Variants in IL17B observed in about 807,000 individuals in gnomAD.
The protein encoded by IL17B is interleukin 17B.
Under a neutral mutation model 14.7 loss-of-function variants are expected in IL17B, and 14 were observed. That is an observed-to-expected ratio of 0.95 (90% CI 0.63 to 1.49). The LOEUF (loss-of-function observed/expected upper bound fraction) is 1.49, where lower values mean the gene tolerates loss of function less well. Ranked by LOEUF, IL17B falls within the 40% of genes most tolerant of loss-of-function variation. The pLI, the probability that IL17B is intolerant of heterozygous loss-of-function variation, is 0.00. For synonymous variants in IL17B, 105 were observed against 94.8 expected, an observed-to-expected ratio of 1.11 and a Z score of -0.62; for missense variants, 233 against 252.8, an observed-to-expected ratio of 0.92 and a Z score of 0.53.
intron 1 of IL17B, among the ~76,000 whole-genome samples, chr5:149,394,868 CTTT>C (rs1056671010): frequency 1.4e-4 from 21 of 152,078 alleles, no homozygotes; most frequent in Admixed American, 1.2e-3. Context: ...ATGTTCCCAT[CTTT>C]TTTTTAACTT....
chr5:149,390,630 C>CACACACACACACAGAGAG (rs1491235916), intron 1 of IL17B, among the ~76,000 whole-genome samples: 1 of 132,002 alleles, frequency 7.6e-6, no homozygotes, highest in African/African-American at 2.9e-5. Flanking sequence ...CACACACACA[C>CACACACACACACAGAGAG]AGAGATACAC....
Position 149,376,901 on chromosome 5 carries a change from A to C in IL17B, c.146T>G (p.Leu49Arg). ...APGPHQVPLDLVSRMKPYARM... is the reference protein window; with the variant it reads ...APGPHQVPLDRVSRMKPYARM... ...GGCATACGGTTTCATCCGTGACACC[A>C]GGTCCAGTGGCACCTGGTGAGGGCC... Residue 49 changes from leucine (L) to arginine (R), a missense_variant, in exon 2 of 3, where the codon CTG becomes CGG. Physicochemically the swap from Leu to Arg is moderately radical, Grantham distance 102 (BLOSUM62 -2). Coordinates refer to ENST00000261796, the MANE Select transcript of IL17B (RefSeq NM_014443.3). 1 of 1,614,130 alleles carries C rather than the reference A, an allele frequency of 6.2e-7. No individual in the cohort carries two copies. Among genetic ancestry groups the C allele is most frequent in the Non-Finnish European group, 8.5e-7 (1 of 1,180,008 alleles).
chr5:149,375,627 C>G (rs1461302321), intron 2 of IL17B, among the ~76,000 whole-genome samples: 1 of 152,188 alleles, frequency 6.6e-6, no homozygotes, highest in African/African-American at 2.4e-5. Context: ...TGGCTTACGC[C>G]TGTAATCTCA....
intron 1 of IL17B, among the ~76,000 whole-genome samples, chr5:149,399,786 C>T (rs576947714): frequency 7.9e-5 from 12 of 152,296 alleles, no homozygotes; most frequent in African/African-American, 2.6e-4. Context: ...GGTGCATGTG[C>T]TCAGTGGCAG....
chr5:149,379,426 G>C, upstream of IL17B: 1 of 624,644 alleles, frequency 1.6e-6, no homozygotes, highest in Admixed American at 2.9e-5. Context: ...AGGCGGTGAG[G>C]GGCGTGGGGG....
intron 1 of IL17B, among the ~76,000 whole-genome samples, chr5:149,396,769 A>G (rs1759100970): frequency 6.6e-6 from 1 of 152,258 alleles, no homozygotes; most frequent in African/African-American, 2.4e-5. Context: ...ACTCAAAAAA[A>G]ATAAAAATAA....
Position 149,374,616 on chromosome 5 carries a change from G to A in IL17B, c.312-16C>T. ...GTGGTTGATGCTGCAGGGAGCAGAA[G>A]AAAGAGCAGAGCGGAAGGTGATCAG... On this transcript the variant is annotated splice_polypyrimidine_tract_variant and intron_variant, in intron 2 of 2. Transcript: ENST00000261796. The surrounding 1 kb of genome is among the most constrained non-coding windows in gnomAD (Gnocchi z 5.0). 1 of 1,598,520 alleles carries A rather than the reference G, an allele frequency of 6.3e-7. No individual in the cohort carries two copies. Among genetic ancestry groups the A allele is most frequent in the Non-Finnish European group, 8.6e-7 (1 of 1,168,246 alleles).
upstream of IL17B, among the ~76,000 whole-genome samples, chr5:149,382,721 TG>T (rs1758728826): frequency 6.6e-6 from 1 of 152,202 alleles, no homozygotes; most frequent in Admixed American, 6.5e-5. Context: ...AGCTGGTCAT[TG>T]AGCACGGTCT....
chr5:149,395,930 C>T (rs2127622266), intron 1 of IL17B, among the ~76,000 whole-genome samples: 1 of 152,294 alleles, frequency 6.6e-6, no homozygotes, highest in South Asian at 2.1e-4. Flanking sequence ...ACCTCGGCTT[C>T]CCCAGAGTAC....
chr5:149,396,529 G>A (rs1333194724), intron 1 of IL17B, among the ~76,000 whole-genome samples: 1 of 152,188 alleles, frequency 6.6e-6, no homozygotes, highest in East Asian at 1.9e-4. Context: ...GCTGAGGCAG[G>A]TGGAATGCTT....
At chr5:149,381,458 C>T (rs369872045), upstream of IL17B, among the ~76,000 whole-genome samples, 4 of 152,238 alleles carry the variant, frequency 2.6e-5, no homozygotes, top group African/African-American at 9.6e-5. Flanking sequence ...TCACACAGTG[C>T]GTTTGTGCCA....
At chr5:149,396,313 G>C (rs1759090801) in intron 1 of IL17B, among the ~76,000 whole-genome samples, 3 of 152,156 alleles carry the variant, frequency 2.0e-5, no homozygotes, top group African/African-American at 7.2e-5. Flanking sequence ...ACCTAACAGG[G>C]ACATGAATTG....
intron 1 of IL17B, among the ~76,000 whole-genome samples, chr5:149,384,412 T>C (rs1254912630): frequency 6.6e-6 from 1 of 152,216 alleles, no homozygotes; most frequent in Non-Finnish European, 1.5e-5. Flanking sequence ...GTAATTTGGT[T>C]TGGTTTTATA....
chr5:149,380,348 T>C (rs1258765156), upstream of IL17B, among the ~76,000 whole-genome samples: 5 of 152,234 alleles, frequency 3.3e-5, no homozygotes, highest in African/African-American at 1.2e-4. Context: ...CTATTTATTA[T>C]AGAGATTATT....
chr5:149,374,777 A>C lies in IL17B; in HGVS notation c.312-177T>G. 17 of 577,648 alleles carry C rather than the reference A, an allele frequency of 2.9e-5. No homozygotes were observed. The highest frequency in any genetic ancestry group is 4.3e-5 in the Non-Finnish European group (14 of 328,324). 35.8% of individuals were successfully genotyped at this position (577,648 alleles called of 1,614,324 possible). On this transcript the variant is annotated intron_variant, in intron 2 of 2. Coordinates refer to ENST00000261796, the MANE Select transcript of IL17B (RefSeq NM_014443.3). This position sits in a 1 kb window ranked among gnomAD's most constrained non-coding sequence, Gnocchi z 5.0. ...GTTCCACGTGAGGAAACTGAAGATC[A>C]TGGAAGGCAAGTCGAGAGCCCCAAG... is the stretch of plus-strand genomic sequence containing the variant.
At chr5:149,384,653 T>A (rs1177792282) in intron 1 of IL17B, among the ~76,000 whole-genome samples, 2 of 152,218 alleles carry the variant, frequency 1.3e-5, no homozygotes, top group African/African-American at 4.8e-5. Context: ...ATGTGGCAAG[T>A]GCCTGGCACA....
chr5:149,393,026 T>G (rs902666587), intron 1 of IL17B, among the ~76,000 whole-genome samples: 4 of 151,754 alleles, frequency 2.6e-5, no homozygotes, highest in Non-Finnish European at 4.4e-5. Context: ...TGCGTGTGTG[T>G]GGGCGTGTGT....
At chr5:149,385,882 A>G (rs1240863536) in intron 1 of IL17B, among the ~76,000 whole-genome samples, 2 of 152,218 alleles carry the variant, frequency 1.3e-5, no homozygotes, top group Non-Finnish European at 2.9e-5. Context: ...CGCTCCTGGC[A>G]GAGGAAGAGG....
In IL17B at chr5:149,374,613, G is replaced by A. The variant is rs1425413139; in HGVS notation, c.312-13C>T. The A allele has an allele frequency of 6.2e-7, 1 of 1,601,308 alleles. No individual in the cohort carries two copies. The highest frequency in any genetic ancestry group is 1.1e-5 in the South Asian group (1 of 90,676). On this transcript the variant is annotated splice_polypyrimidine_tract_variant and intron_variant, in intron 2 of 2. Coordinates refer to ENST00000261796, the MANE Select transcript of IL17B (RefSeq NM_014443.3). This position sits in a 1 kb window ranked among gnomAD's most constrained non-coding sequence, Gnocchi z 5.0. ...GTCGTGGTTGATGCTGCAGGGAGCA[G>A]AAGAAAGAGCAGAGCGGAAGGTGAT...
Sources: gnomAD v4.1 joint callset for allele counts (sites outside exome capture counted in the v4.1 genomes callset) on GRCh38, gnomAD v4.1.1 for gene constraint, Gnocchi (gnomAD v3.1) non-coding constraint, MANE v1.5 for transcripts, NCBI Gene and HGNC (gene_info 2026-07-23, HGNC 2026-07-21) for gene names.